Variants in SLC38A8 observed in about 807,000 individuals in gnomAD.
The protein encoded by SLC38A8 is amino acid transporter SLC38A8.
In SLC38A8, 65 loss-of-function variants were observed where a neutral mutation model predicts 46.0. The observed-to-expected ratio is 1.41, with a 90% CI of 1.16 to 1.74. The LOEUF (loss-of-function observed/expected upper bound fraction) is 1.74, where lower values mean the gene tolerates loss of function less well. Ranked by LOEUF, SLC38A8 falls within the 40% of genes most tolerant of loss-of-function variation. SLC38A8 has a pLI of 0.00. For synonymous variants in SLC38A8, 447 were observed against 243.7 expected (o/e 1.83, Z -7.77); for missense variants, 998 against 567.9 (o/e 1.76, Z -7.70).
rs373501130 is a variant in SLC38A8, at chr16:84,033,483, G to A, written c.389-14C>T. 72 of 1,584,662 alleles carry A rather than the reference G, an allele frequency of 4.5e-5. No individual in the cohort carries two copies. Among genetic ancestry groups the A allele is most frequent in the African/African-American group, 1.9e-4 (14 of 74,228 alleles). On this transcript the variant is annotated splice_polypyrimidine_tract_variant and intron_variant, in intron 3 of 10. Transcript: ENST00000299709. The stretch of plus-strand genomic sequence containing the variant: ...GGGAGTCACACACTGCCAGAGACAC[G>A]GGGAGAGCTGAGCCACAGAGTACAA...
At chr16:84,039,938 CATCAA>C (rs898711804) in intron 2 of SLC38A8, 3 of 152,252 alleles carry the variant, frequency 2.0e-5, no homozygotes, top group African/African-American at 7.2e-5. Context: ...TGCCCGTTTT[CATCAA>C]ATGTCTCCCA....
intron 3 of SLC38A8, among the ~76,000 whole-genome samples, chr16:84,035,197 G>C (rs941744048): frequency 1.3e-5 from 2 of 152,204 alleles, no homozygotes; most frequent in Admixed American, 1.3e-4. Context: ...TACCAGTTCA[G>C]TGGAGTTGAA....
chr16:84,014,258 C>A (rs903019722), intron 9 of SLC38A8, among the ~76,000 whole-genome samples: 4 of 149,932 alleles, frequency 2.7e-5, no homozygotes, highest in African/African-American at 9.8e-5. Context: ...GAGGGAGAAG[C>A]CACAAGGCCA....
At chr16:84,015,247 C>G (rs970961514) in intron 9 of SLC38A8, among the ~76,000 whole-genome samples, 1 of 152,114 alleles carries the variant, frequency 6.6e-6, no homozygotes, top group Non-Finnish European at 1.5e-5. Context: ...CTGTTCTGGG[C>G]TCCAGTGGGC....
At chr16:84,017,324 T>C in intron 7 of SLC38A8, 37 bp from the exon 8 acceptor site, 1 of 1,610,496 alleles carries the variant, frequency 6.2e-7, no homozygotes, top group African/African-American at 1.3e-5. Flanking sequence ...CAGAGTGGAT[T>C]AGGAAAATGC....
chr16:84,016,872 T>G, intron 8 of SLC38A8, 145 bp from the exon 9 acceptor site: 1 of 1,083,536 alleles, frequency 9.2e-7, no homozygotes, highest in Non-Finnish European at 1.3e-6. Flanking sequence ...CAGGAGACCT[T>G]GCCAACCCTC....
chr16:84,037,213 C>T (rs1016909366), intron 2 of SLC38A8, among the ~76,000 whole-genome samples: 2 of 152,224 alleles, frequency 1.3e-5, no homozygotes, highest in African/African-American at 4.8e-5. Flanking sequence ...GTTTAAGTTA[C>T]TCTCCTAAAA....
intron 5 of SLC38A8, among the ~76,000 whole-genome samples, chr16:84,030,740 G>A (rs903055413): frequency 6.6e-6 from 1 of 152,190 alleles, no homozygotes; most frequent in Non-Finnish European, 1.5e-5. Context: ...CACAGGGCCA[G>A]GTGCAGGAGG....
intron 7 of SLC38A8, among the ~76,000 whole-genome samples, chr16:84,020,223 C>T (rs2085079239): frequency 6.6e-6 from 1 of 151,866 alleles, no homozygotes; most frequent in South Asian, 2.1e-4. Flanking sequence ...TCATTCCAGC[C>T]TTGACCTCCA....
In SLC38A8 at chr16:84,009,843, G is replaced by C. The variant is rs148450852; in HGVS notation, c.1249C>G (p.Leu417Val). The C allele has an allele frequency of 1.2e-6, 2 of 1,613,954 alleles. No homozygotes were observed. The highest frequency in any genetic ancestry group is 2.2e-5 in the East Asian group (1 of 44,878). ...CLEVWGVVSVLVGTFIFGQST... is the reference protein window; with the variant it reads ...CLEVWGVVSVVVGTFIFGQST... ...TGCCCAAAGATGAAGGTGCCGACCA[G>C]CACAGAGACCACTCCCCAGACCTCC... The change falls in exon 11 of 11, where the codon CTG (leucine) becomes GTG (valine). Residue 417 changes from leucine to valine, a missense_variant. Leu to Val is a conservative substitution (Grantham distance 32, BLOSUM62 1). Transcript: ENST00000299709.
At chr16:84,033,184 T>C (rs766867048) in intron 4 of SLC38A8, 144 bp downstream of exon 4, 35 of 1,088,798 alleles carry the variant, frequency 3.2e-5, no homozygotes, top group Middle Eastern at 4.2e-4. Context: ...GCATACATTT[T>C]ACTTGTATAA....
At chr16:84,038,359 T>G (rs926865079) in intron 2 of SLC38A8, among the ~76,000 whole-genome samples, 1 of 151,326 alleles carries the variant, frequency 6.6e-6, no homozygotes, top group Admixed American at 6.6e-5. Flanking sequence ...AACGTTACAG[T>G]GAACACCCCT....
At chr16:84,024,008 G>C (rs974558977) in intron 6 of SLC38A8, among the ~76,000 whole-genome samples, 3 of 152,234 alleles carry the variant, frequency 2.0e-5, no homozygotes, top group Admixed American at 1.3e-4. Context: ...ATTGATGTCT[G>C]GTGTGGGTTA....
At chr16:84,021,007 C>T (rs60446202) in intron 7 of SLC38A8, among the ~76,000 whole-genome samples, 69 of 152,290 alleles carry the variant, frequency 4.5e-4, no homozygotes, top group African/African-American at 1.6e-3. Flanking sequence ...ATGCAGCATC[C>T]TGAATGCTCT....
chr16:84,016,892 G>A, intron 8 of SLC38A8, 165 bp from the exon 9 acceptor site: 2 of 1,002,396 alleles, frequency 2.0e-6, no homozygotes, highest in Non-Finnish European at 1.4e-6. Context: ...CAGGGGTTCT[G>A]CCACCATCGG....
rs940360240 is a variant in SLC38A8, at chr16:84,012,866, T to G, written c.1214+135A>C. The G allele has an allele frequency of 8.1e-6, 8 of 992,748 alleles. No homozygotes were observed. In the African/African-American group the frequency reaches 1.3e-4, roughly 16 times the overall value. 61.5% of individuals were successfully genotyped at this position (992,748 alleles called of 1,614,324 possible). A position where few individuals can be genotyped will look rare whatever the true frequency, so the allele number is the denominator to read the frequency against. On this transcript the variant is annotated intron_variant, in intron 10 of 10. Transcript: ENST00000299709. ...GCCCTCATACTGGGTAGACAGAGAC[T>G]CTCTTCCTGTGGCTCGCAGGTTTCT...
At chr16:84,038,803 A>T (rs2085332248) in intron 2 of SLC38A8, among the ~76,000 whole-genome samples, 2 of 152,068 alleles carry the variant, frequency 1.3e-5, no homozygotes, top group Admixed American at 6.5e-5. Context: ...CCACTCCATC[A>T]AGCATGTGTG....
chr16:84,017,364 C>T (rs903329271), intron 7 of SLC38A8, 77 bp from the exon 8 acceptor site: 22 of 1,543,682 alleles, frequency 1.4e-5, no homozygotes, highest in East Asian at 1.1e-4. Context: ...AGACAGACAG[C>T]GCCTGGCTTT....
chr16:84,024,354 T>C (rs1313962429), intron 6 of SLC38A8, among the ~76,000 whole-genome samples: 1 of 152,190 alleles, frequency 6.6e-6, no homozygotes, highest in Non-Finnish European at 1.5e-5. Flanking sequence ...TAAGCATTTT[T>C]TTTTGGTAGA....
Sources: allele counts gnomAD v4.1 joint callset (sites outside exome capture counted in the v4.1 genomes callset), GRCh38; gene constraint gnomAD v4.1.1; transcripts MANE v1.5; gene names NCBI Gene and HGNC (gene_info 2026-07-23, HGNC 2026-07-21).